Variants in CCDC178 observed in about 807,000 individuals in gnomAD.
The protein encoded by CCDC178 is coiled-coil domain containing 178, also known as coiled-coil domain-containing protein 178.
CCDC178 carries 126 observed loss-of-function variants against 117.4 expected under a neutral mutation model. That is an observed-to-expected ratio of 1.07 (90% CI 0.93 to 1.24). The LOEUF (loss-of-function observed/expected upper bound fraction) is 1.24. Among genes scored for constraint, CCDC178 ranks in the 50% most tolerant of loss-of-function variants. The pLI is 0.00. For missense variants in CCDC178, 1,030 were observed against 986.9 expected, an observed-to-expected ratio of 1.04 and a Z score of -0.59; for synonymous variants, 283 against 313.4, an observed-to-expected ratio of 0.90 and a Z score of 1.02.
chr18:33,305,172 CT>C (rs1375048970), intron 11 of CCDC178, among the ~76,000 whole-genome samples: 1 of 152,146 alleles, frequency 6.6e-6, no homozygotes, highest in Admixed American at 6.6e-5. Flanking sequence ...ATTTGGGAAG[CT>C]TTTTTACATG....
chr18:33,309,906 A>G lies in CCDC178; in HGVS notation c.1022+13585T>C, dbSNP rs566991200. Among the ~76,000 whole-genome samples the G allele has an allele frequency of 1.6e-4, 24 of 152,174 alleles. 1 individual carries two copies. The South Asian group carries it at 3.5e-3, about 22-fold the overall frequency. ...TATATGGTAAATATTTGTCCAAAAC[A>G]AAATGATTGTTTTTTTTTTCTTTTT... On this transcript the variant is annotated intron_variant, in intron 11 of 22. Coordinates refer to ENST00000383096, the MANE Select transcript of CCDC178 (RefSeq NM_001105528.4).
chr18:33,230,266 G>GTT (rs1425991838), intron 15 of CCDC178, among the ~76,000 whole-genome samples: 3 of 152,056 alleles, frequency 2.0e-5, no homozygotes, highest in Non-Finnish European at 4.4e-5. Context: ...GTGTGTGTGT[G>GTT]TGTGTGTAAG....
intron 11 of CCDC178, among the ~76,000 whole-genome samples, chr18:33,303,124 G>C (rs2062200231): frequency 6.6e-6 from 1 of 152,060 alleles, no homozygotes; most frequent in South Asian, 2.1e-4. Context: ...TACCCCATGA[G>C]TATATACATA....
At chr18:33,121,517 G>A (rs2057937425) in intron 20 of CCDC178, among the ~76,000 whole-genome samples, 1 of 152,120 alleles carries the variant, frequency 6.6e-6, no homozygotes, top group East Asian at 1.9e-4. Context: ...GACATGGATC[G>A]ATATTCTACT....
chr18:33,056,113 T>C (rs191960299), intron 21 of CCDC178, among the ~76,000 whole-genome samples: 16 of 152,164 alleles, frequency 1.1e-4, no homozygotes, highest in Non-Finnish European at 1.5e-4. Context: ...CAATGGAAGA[T>C]TATTAAATAA....
intron 11 of CCDC178, among the ~76,000 whole-genome samples, chr18:33,312,961 C>T (rs1053609598): frequency 6.6e-5 from 10 of 152,138 alleles, no homozygotes; most frequent in Non-Finnish European, 1.3e-4. Flanking sequence ...AATGGGGAAG[C>T]CTAATGGTTC....
intron 21 of CCDC178, among the ~76,000 whole-genome samples, chr18:33,033,590 A>G (rs886397021): frequency 2.6e-5 from 4 of 151,962 alleles, no homozygotes; most frequent in Admixed American, 6.6e-5. Context: ...AACTTTCCCA[A>G]CTTAAAATAA....
At chr18:33,272,848 C>A (rs936248429) in intron 12 of CCDC178, among the ~76,000 whole-genome samples, 1 of 151,184 alleles carries the variant, frequency 6.6e-6, no homozygotes, top group African/African-American at 2.4e-5. Flanking sequence ...TTTCTATACC[C>A]TTTTGTAATA....
intron 2 of CCDC178, among the ~76,000 whole-genome samples, chr18:33,421,430 A>G (rs191229277): frequency 6.6e-6 from 1 of 152,230 alleles, no homozygotes; most frequent in African/African-American, 2.4e-5. Flanking sequence ...AGTTCTTGCC[A>G]GGAAGCTGAT....
intron 2 of CCDC178, among the ~76,000 whole-genome samples, chr18:33,417,637 ATTG>A (rs2063964238): frequency 6.6e-6 from 1 of 152,066 alleles, no homozygotes; most frequent in Non-Finnish European, 1.5e-5. Flanking sequence ...TTATGGTATT[ATTG>A]TTATTATTGT....
At chr18:33,340,848 G>A (rs2062808484) in intron 9 of CCDC178, among the ~76,000 whole-genome samples, 1 of 152,178 alleles carries the variant, frequency 6.6e-6, no homozygotes. Flanking sequence ...GTAAGGGTGG[G>A]GCCCTCATAA....
intron 20 of CCDC178, among the ~76,000 whole-genome samples, chr18:33,109,956 C>T (rs769607232): frequency 2.6e-5 from 4 of 151,514 alleles, no homozygotes; most frequent in Admixed American, 2.6e-4. Flanking sequence ...CACATGTGCT[C>T]TAATTCCTGA....
Position 33,027,506 on chromosome 18 carries a change from GA to G in CCDC178, c.2389-52826del, listed in dbSNP as rs34679415. The stretch of plus-strand genomic sequence containing the variant: ...TGCCACATACAAAAACAAATCTGAA[GA>G]ATAAGAAAATAGAAAGTGAGATATA... On this transcript the variant is annotated intron_variant, in intron 21 of 22. Transcript: ENST00000383096. 4.0e-3 allele frequency among the ~76,000 whole-genome samples: 604 copies of G among 151,142 alleles called. 13 individuals carry two copies. Among genetic ancestry groups the G allele is most frequent in the Admixed American group, 0.035 (531 of 15,194 alleles).
intron 12 of CCDC178, among the ~76,000 whole-genome samples, chr18:33,279,724 A>G (rs995732471): frequency 1.3e-5 from 2 of 152,214 alleles, no homozygotes; most frequent in African/African-American, 4.8e-5. Context: ...ACAGTAACCA[A>G]AACAGCATGG....
In CCDC178 at chr18:33,328,083, ATTTTTTTTTTTTTTTTTT is replaced by A. The variant is rs771034112; in HGVS notation, c.880-4468_880-4451del. On this transcript the variant is annotated intron_variant, in intron 10 of 22. Coordinates refer to ENST00000383096, the MANE Select transcript of CCDC178 (RefSeq NM_001105528.4). ...CAAGGTCATAAAGATTTATCCCTAG[ATTTTTTTTTTTTTTTTTT>A]TTTTTTTTTTTTTTTTTTTGAGACA... 62 of 100,722 alleles carry A rather than the reference ATTTTTTTTTTTTTTTTTT, an allele frequency of 6.2e-4. 1 individual carries two copies. The highest frequency in any genetic ancestry group is 2.6e-3 in the East Asian group (3 of 1,156). The allele number at this position is 100,722 out of a possible 1,614,324, so 6.2% of individuals were successfully genotyped here. A position where few individuals can be genotyped will look rare whatever the true frequency, so the allele number is the denominator to read the frequency against.
chr18:33,277,689 T>TC (rs773660527), intron 12 of CCDC178, among the ~76,000 whole-genome samples: 4 of 152,088 alleles, frequency 2.6e-5, no homozygotes, highest in African/African-American at 4.8e-5. Flanking sequence ...TGTGGCCCCC[T>TC]CCATCTTCAA....
intron 21 of CCDC178, among the ~76,000 whole-genome samples, chr18:32,979,395 G>A (rs1458152041): frequency 6.6e-6 from 1 of 151,986 alleles, no homozygotes; most frequent in Non-Finnish European, 1.5e-5. Flanking sequence ...CTAACCTCAG[G>A]TGATCTGCCC....
chr18:33,365,887 T>TA (rs1256986116), intron 6 of CCDC178, among the ~76,000 whole-genome samples: 1 of 152,138 alleles, frequency 6.6e-6, no homozygotes, highest in Non-Finnish European at 1.5e-5. Flanking sequence ...TGATTATTTT[T>TA]ATCATTGTGT....
At chr18:33,029,763 G>C (rs1043323696) in intron 21 of CCDC178, among the ~76,000 whole-genome samples, 29 of 151,798 alleles carry the variant, frequency 1.9e-4, no homozygotes, top group Admixed American at 1.6e-3. Context: ...GTTTTTTCAG[G>C]AGTGTATTTA....
Sources: gnomAD v4.1 joint callset for allele counts (sites outside exome capture counted in the v4.1 genomes callset) on GRCh38, gnomAD v4.1.1 for gene constraint, MANE v1.5 for transcripts, NCBI Gene and HGNC (gene_info 2026-07-23, HGNC 2026-07-21) for gene names.